The following GOLGB1 variants were observed in gnomAD, a reference collection of about 807,000 sequenced individuals.
GOLGB1 encodes the protein golgin subfamily B member 1.
A neutral mutation model predicts 336.9 loss-of-function variants in GOLGB1; 174 were observed. That is an observed-to-expected ratio of 0.52 (90% confidence interval 0.46 to 0.59). The LOEUF is 0.59. GOLGB1 is among the 20% of genes least tolerant of loss of function. GOLGB1 has a pLI of 0.00. For synonymous variants in GOLGB1, 1,208 were observed against 1,289.2 expected (o/e 0.94, Z 1.35); for missense variants, 3,331 against 3,645.3 (o/e 0.91, Z 2.22).
At chr3:121,673,685 T>TTCTA (rs1560173066) in intron 17 of GOLGB1, among the ~76,000 whole-genome samples, 128 of 139,256 alleles carry the variant, frequency 9.2e-4, no homozygotes, top group African/African-American at 3.2e-3. Context: ...TAAATGGGAT[T>TTCTA]GCTATCTATC....
chr3:121,671,604 T>C (rs1939545327), intron 17 of GOLGB1, among the ~76,000 whole-genome samples: 1 of 152,364 alleles, frequency 6.6e-6, no homozygotes. Context: ...GTATCTGGAA[T>C]ATCCATCACC....
In GOLGB1 at chr3:121,698,926, T is replaced by C; in HGVS notation, c.1597A>G (p.Ser533Gly). ...CTCTTGTTGGCAATATCAACAATGC[T>C]GATCTATTTTTAAAAAAGAAAAAAA... ...GEADREVSEI[S>G]IVDIANKRSS... is the part of the protein sequence containing the mutation. Residue 533 changes from serine (S) to glycine (G), a missense_variant, in exon 13 of 22, where the codon AGC (serine) becomes GGC (glycine). Transcript: ENST00000614479. The C allele has an allele frequency of 6.6e-7, 1 of 1,525,702 alleles. No homozygotes were observed. The highest frequency in any genetic ancestry group is 8.8e-7 in the Non-Finnish European group (1 of 1,138,168). 94.5% of individuals were successfully genotyped at this position (1,525,702 alleles called of 1,614,324 possible). A position where few individuals can be genotyped will look rare whatever the true frequency, so the allele number is the denominator to read the frequency against.
Position 121,677,449 on chromosome 3 carries a change from T to C in GOLGB1, c.8875A>G (p.Met2959Val), listed in dbSNP as rs777966930. ...TGTATTTCCCAGGAACTCTTCTCCA[T>C]CCTAGAAAAAACATGACACAATCAC... ...SWQHELHQLR[M>V]EKSSWEIHER... The change falls in exon 16 of 22, where the codon ATG (methionine) becomes GTG (valine). Residue 2959 changes from methionine to valine, a missense_variant and splice_region_variant. By Grantham distance (21) the Met-to-Val change is conservative. Transcript: ENST00000614479. The C allele has an allele frequency of 1.2e-6, 2 of 1,603,960 alleles. No individual in the cohort carries two copies. The highest frequency in any genetic ancestry group is 1.7e-4 in the Middle Eastern group (1 of 6,042).
intron 9 of GOLGB1, 76 bp from the exon 10 acceptor site, chr3:121,715,052 C>T: frequency 1.3e-6 from 1 of 784,366 alleles, no homozygotes; most frequent in Middle Eastern, 3.1e-4. Flanking sequence ...TCTAAAGATA[C>T]ACTGTATGCT....
chr3:121,702,515 A>C lies in GOLGB1; in HGVS notation c.1485T>G (p.Ser495Arg), dbSNP rs747440575. Reference sequence around the variant, plus strand: ...CTTTCAGCTCCTCCAGCTCTATAGAACTAAGGAGCAAGGCTCCCTTTTCAT... The same window carrying C: ...CTTTCAGCTCCTCCAGCTCTATAGACCTAAGGAGCAAGGCTCCCTTTTCAT... Reference protein sequence around the residue: ...LENEKGALLLSSIELEELKAE... With the variant: ...LENEKGALLLRSIELEELKAE... Residue 495 changes from serine (S) to arginine (R), a missense_variant, in exon 11 of 22, where the codon AGT becomes AGG. Ser to Arg is a moderately radical substitution (Grantham distance 110). Coordinates refer to ENST00000614479, the MANE Select transcript of GOLGB1 (RefSeq NM_001366282.2). 1.3e-6 allele frequency: 2 copies of C among 1,539,366 alleles called. No individual in the cohort carries two copies. Among genetic ancestry groups the C allele is most frequent in the Non-Finnish European group, 1.7e-6 (2 of 1,143,242 alleles).
At chr3:121,727,170 C>G in intron 4 of GOLGB1, 129 bp from the exon 5 acceptor site, 4 of 449,596 alleles carry the variant, frequency 8.9e-6, no homozygotes, top group Non-Finnish European at 1.5e-5. Context: ...GCAAGAAAAA[C>G]CAGCTGATCT....
rs562226125 is a variant in GOLGB1 at position 121,686,331 on chromosome 3, G to C, written c.8694+4339C>G. Among the ~76,000 whole-genome samples the C allele has an allele frequency of 2.0e-5, 3 of 152,220 alleles. No homozygotes were observed. The South Asian group carries it at 6.2e-4, about 32-fold the overall frequency. On this transcript the variant is annotated intron_variant, in intron 14 of 21. Coordinates refer to ENST00000614479, the MANE Select transcript of GOLGB1 (RefSeq NM_001366282.2). ...AATAGAAACCTCAGAGCAAACTATG[G>C]ATCCCTCTTTCTAACACAGTACAGG...
chr3:121,693,599 A>C, intron 13 of GOLGB1, 142 bp downstream of exon 13: 1 of 642,712 alleles, frequency 1.6e-6, no homozygotes, highest in Non-Finnish European at 2.7e-6. Context: ...GCCAAAAAAA[A>C]GTCAGAAGTG....
chr3:121,679,014 G>T (rs967380868), intron 15 of GOLGB1, among the ~76,000 whole-genome samples: 1 of 151,978 alleles, frequency 6.6e-6, no homozygotes, highest in African/African-American at 2.4e-5. Context: ...CAGAATTATA[G>T]CTCCTATCTT....
At chr3:121,737,633 C>T (rs1421193209) in intron 1 of GOLGB1, among the ~76,000 whole-genome samples, 2 of 142,968 alleles carry the variant, frequency 1.4e-5, no homozygotes, top group South Asian at 2.2e-4. Flanking sequence ...GCCTGGGCAA[C>T]AGAGCAAGAC....
Position 121,696,461 on chromosome 3 carries a change from C to T in GOLGB1, c.4062G>A (p.Gln1354=), listed in dbSNP as rs748383634. 1.6e-5 allele frequency: 26 copies of T among 1,613,840 alleles called. No homozygotes were observed. The highest frequency in any genetic ancestry group is 2.1e-5 in the Non-Finnish European group (25 of 1,179,962). The change falls in exon 13 of 22, where the codon CAG becomes CAA. Residue 1354 remains glutamine (Q), a synonymous_variant. Coordinates refer to ENST00000614479, the MANE Select transcript of GOLGB1 (RefSeq NM_001366282.2). ...TCTTTAGACTCTCGATTTCTAAACCCTGTTTATTTATCTGCTCTTGTAACT... is the reference window on the plus strand; with the variant it reads ...TCTTTAGACTCTCGATTTCTAAACCTTGTTTATTTATCTGCTCTTGTAACT... ...VFQLQEQINK[Q]GLEIESLKTV...
At chr3:121,733,689 C>A (rs1467632153) in intron 1 of GOLGB1, among the ~76,000 whole-genome samples, 1 of 152,104 alleles carries the variant, frequency 6.6e-6, no homozygotes, top group African/African-American at 2.4e-5. Context: ...CAGGGCAGCA[C>A]TGGTGAAAGC....
In GOLGB1 at chr3:121,717,443, G is replaced by A. The variant is rs576807678; in HGVS notation, c.886-304C>T. 2.6e-5 allele frequency among the ~76,000 whole-genome samples: 4 copies of A among 152,278 alleles called. No individual in the cohort carries two copies. The South Asian group carries it at 8.3e-4, about 32-fold the overall frequency. ...AAGGAATCCAAGGGGTAGAAAAAAG[G>A]TAGTTCAAACTGTCAAGCATGGGTC... On this transcript the variant is annotated intron_variant, in intron 8 of 21. Transcript: ENST00000614479.
At chr3:121,746,483 T>TTATTTATG (rs1947293121) in intron 1 of GOLGB1, among the ~76,000 whole-genome samples, 1 of 142,018 alleles carries the variant, frequency 7.0e-6, no homozygotes, top group South Asian at 2.2e-4. Flanking sequence ...ATTTATTTAT[T>TTATTTATG]TAATGTTATT....
At chr3:121,670,047 C>G (rs1939265568) in intron 17 of GOLGB1, among the ~76,000 whole-genome samples, 1 of 152,210 alleles carries the variant, frequency 6.6e-6, no homozygotes, top group South Asian at 2.1e-4. Context: ...AGGGCGCCCA[C>G]TGCCTGACAA....
chr3:121,671,945 T>G (rs993846069), intron 17 of GOLGB1, among the ~76,000 whole-genome samples: 1 of 152,190 alleles, frequency 6.6e-6, no homozygotes, highest in Non-Finnish European at 1.5e-5. Flanking sequence ...GTCCTCCAGT[T>G]CCATCTATGT....
intron 10 of GOLGB1, among the ~76,000 whole-genome samples, chr3:121,705,484 T>A (rs1450229975): frequency 6.6e-6 from 1 of 152,188 alleles, no homozygotes; most frequent in Admixed American, 6.5e-5. Flanking sequence ...AACAAAGTGA[T>A]CCCTAAAACT....
rs917242192 is a variant in GOLGB1, at chr3:121,716,939, A to G, written c.1086T>C (p.Ala362=). Residue 362 remains alanine, a synonymous_variant, in exon 9 of 22, where the codon GCT becomes GCC. Coordinates refer to ENST00000614479, the MANE Select transcript of GOLGB1 (RefSeq NM_001366282.2). ...EQFEQAGQAQ[A]ELESRYSALE... is the part of the protein sequence containing the mutation. ...AAGCACTATACCGAGACTCTAGTTC[A>G]GCCTGGGCTTGGCCTGCTTGCTCAA... The G allele has an allele frequency of 6.2e-7, 1 of 1,613,910 alleles. No individual in the cohort carries two copies. Among genetic ancestry groups the G allele is most frequent in the Non-Finnish European group, 8.5e-7 (1 of 1,179,834 alleles).
intron 11 of GOLGB1, 53 bp downstream of exon 11, chr3:121,702,428 G>C: frequency 2.9e-6 from 2 of 679,658 alleles, no homozygotes; most frequent in Non-Finnish European, 4.6e-6. Flanking sequence ...GATAAAAGTA[G>C]AGGCACTTGT....
Sources: allele counts gnomAD v4.1 joint callset (sites outside exome capture counted in the v4.1 genomes callset), GRCh38; gene constraint gnomAD v4.1.1; transcripts MANE v1.5; gene names NCBI Gene and HGNC (gene_info 2026-07-23, HGNC 2026-07-21).